Variants in DLGAP1 observed in about 807,000 individuals in gnomAD.
The protein encoded by DLGAP1 is DLG associated protein 1.
DLGAP1 carries 11 observed loss-of-function variants against 90.8 expected under a neutral mutation model. That is an observed-to-expected ratio of 0.12 (90% CI 0.08 to 0.20). The LOEUF (loss-of-function observed/expected upper bound fraction) is 0.20, where lower values mean the gene tolerates loss of function less well. Among genes scored for constraint, DLGAP1 ranks in the 10% least tolerant of loss-of-function variants. The pLI, the probability that DLGAP1 is intolerant of heterozygous loss-of-function variation, is 1.00. For missense variants in DLGAP1, 1,050 were observed against 1,333.8 expected (o/e 0.79, Z 3.31); for synonymous variants, 558 against 540.7 (o/e 1.03, Z -0.44).
rs142909007 is a variant in DLGAP1, at chr18:3,937,215, T to C, written c.-72-57075A>G. 7.2e-4 allele frequency among the ~76,000 whole-genome samples: 110 copies of C among 152,274 alleles called. 1 individual carries two copies. The East Asian group carries it at 9.3e-3, about 13-fold the overall frequency. On this transcript the variant is annotated intron_variant, in intron 3 of 12. Transcript: ENST00000315677. ...GCATAACATGATAACAAACGTGTAT[T>C]AGTCTGTTCTCAGGCTGCTAATAAA...
chr18:4,418,101 C>T (rs1225714494), intron 1 of DLGAP1, among the ~76,000 whole-genome samples: 2 of 152,112 alleles, frequency 1.3e-5, no homozygotes, highest in African/African-American at 4.8e-5. Context: ...GAATTTGAAA[C>T]CTATGGTATA....
chr18:4,075,215 A>G (rs941249247), intron 2 of DLGAP1, among the ~76,000 whole-genome samples: 1 of 152,168 alleles, frequency 6.6e-6, no homozygotes, highest in African/African-American at 2.4e-5. Flanking sequence ...CCAGATATGC[A>G]TTCTTATTTC....
At chr18:3,706,674 G>A (rs7235690) in intron 7 of DLGAP1, among the ~76,000 whole-genome samples, 2,288 of 152,290 alleles carry the variant, frequency 0.015, 67 homozygotes, top group African/African-American at 0.052. Context: ...AGTGACGTCA[G>A]TGATGTGTTG....
chr18:3,780,064 A>T (rs771190582), intron 5 of DLGAP1, among the ~76,000 whole-genome samples: 1 of 152,202 alleles, frequency 6.6e-6, no homozygotes, highest in East Asian at 1.9e-4. Flanking sequence ...CTGGGATTAC[A>T]GGCATGAGCC....
chr18:3,647,473 T>G (rs2059161140), intron 7 of DLGAP1, among the ~76,000 whole-genome samples: 1 of 150,160 alleles, frequency 6.7e-6, no homozygotes, highest in Non-Finnish European at 1.5e-5. Context: ...TAAGCTCCTT[T>G]TTTTTTTTTT....
intron 2 of DLGAP1, among the ~76,000 whole-genome samples, chr18:4,069,251 A>T (rs1053077033): frequency 1.3e-5 from 2 of 152,204 alleles, no homozygotes; most frequent in African/African-American, 2.4e-5. Flanking sequence ...GTCAGTACTT[A>T]ATAAGTATTT....
At chr18:4,115,804 T>C (rs1047877834) in intron 2 of DLGAP1, among the ~76,000 whole-genome samples, 2 of 152,204 alleles carry the variant, frequency 1.3e-5, no homozygotes, top group African/African-American at 4.8e-5. Flanking sequence ...GTTTTGCTCC[T>C]ACCAACCTTC....
chr18:3,832,417 A>C (rs2068079627), intron 4 of DLGAP1, among the ~76,000 whole-genome samples: 1 of 152,206 alleles, frequency 6.6e-6, no homozygotes, highest in African/African-American at 2.4e-5. Flanking sequence ...GCTTCCTCCT[A>C]GTAACGATGC....
chr18:3,963,926 A>G (rs1039200305), intron 3 of DLGAP1, among the ~76,000 whole-genome samples: 6 of 152,214 alleles, frequency 3.9e-5, no homozygotes, highest in African/African-American at 1.4e-4. Flanking sequence ...TTGAAATTTT[A>G]ATATTTTGGA....
chr18:3,778,162 T>C (rs3786442), intron 5 of DLGAP1, among the ~76,000 whole-genome samples: 81,258 of 152,052 alleles, frequency 0.53, 22,546 homozygotes, highest in African/African-American at 0.69. Context: ...AGGTCAAGGC[T>C]GGGCACGATG....
intron 7 of DLGAP1, among the ~76,000 whole-genome samples, chr18:3,705,534 C>A (rs1489262967): frequency 6.6e-6 from 1 of 151,728 alleles, no homozygotes; most frequent in Admixed American, 6.6e-5. Context: ...AACCATCAGA[C>A]CCCAAGGAGC....
chr18:3,752,089 G>C (rs1365000698), intron 5 of DLGAP1, among the ~76,000 whole-genome samples: 1 of 150,980 alleles, frequency 6.6e-6, no homozygotes, highest in African/African-American at 2.4e-5. Context: ...TCATCATGTT[G>C]GCCAGGCTGG....
intron 2 of DLGAP1, among the ~76,000 whole-genome samples, chr18:4,021,151 C>T (rs1359925360): frequency 6.6e-6 from 1 of 152,186 alleles, no homozygotes; most frequent in Non-Finnish European, 1.5e-5. Flanking sequence ...AATAATAAAA[C>T]TCTAGTCTCC....
chr18:4,081,243 C>T (rs62083762), intron 2 of DLGAP1, among the ~76,000 whole-genome samples: 10 of 144,674 alleles, frequency 6.9e-5, no homozygotes, highest in Admixed American at 3.4e-4. Context: ...TGAACCCAGG[C>T]GGCGGAGGTT....
rs79558652 is a variant in DLGAP1 at position 3,517,354 on chromosome 18, A to G, written c.2480-8693T>C. 7.1e-3 allele frequency among the ~76,000 whole-genome samples: 1,085 copies of G among 152,296 alleles called. 18 individuals are homozygous for G. The highest frequency in any genetic ancestry group is 0.025 in the African/African-American group (1,033 of 41,568). ...TTTAGTGTAATCATCTTCATCAATGATCTTAGCTAGATCTTCTGGATAACT... is the reference window on the plus strand; with the variant it reads ...TTTAGTGTAATCATCTTCATCAATGGTCTTAGCTAGATCTTCTGGATAACT... On this transcript the variant is annotated intron_variant, in intron 10 of 12. Coordinates refer to ENST00000315677, the MANE Select transcript of DLGAP1 (RefSeq NM_004746.4). The surrounding 1 kb of genome is among the most constrained non-coding windows in gnomAD (Gnocchi z 4.1).
At chr18:3,556,514 G>T (rs2053759918) in intron 9 of DLGAP1, among the ~76,000 whole-genome samples, 1 of 152,100 alleles carries the variant, frequency 6.6e-6, no homozygotes, top group Admixed American at 6.5e-5. Flanking sequence ...ACAGTATATA[G>T]ATTTTTCAGA....
At chr18:3,861,338 G>A (rs2070040353) in intron 4 of DLGAP1, among the ~76,000 whole-genome samples, 1 of 152,074 alleles carries the variant, frequency 6.6e-6, no homozygotes, top group Non-Finnish European at 1.5e-5. Context: ...TCATCATAAG[G>A]AAGAAGGAAA....
intron 1 of DLGAP1, among the ~76,000 whole-genome samples, chr18:4,171,583 AAAAG>A (rs979047573): frequency 2.6e-5 from 4 of 151,822 alleles, no homozygotes; most frequent in Non-Finnish European, 5.9e-5. Context: ...AAAAAGAAAA[AAAAG>A]AAAGTATCTT....
chr18:4,182,515 C>A (rs112274774), intron 1 of DLGAP1, among the ~76,000 whole-genome samples: 110 of 152,184 alleles, frequency 7.2e-4, no homozygotes, highest in Non-Finnish European at 1.3e-3. Flanking sequence ...TGTCTTGTCA[C>A]TTCTCTAAGC....
Sources: allele counts gnomAD v4.1 joint callset (sites outside exome capture counted in the v4.1 genomes callset), GRCh38; gene constraint gnomAD v4.1.1; non-coding constraint Gnocchi (gnomAD v3.1); transcripts MANE v1.5; gene names NCBI Gene and HGNC (gene_info 2026-07-23, HGNC 2026-07-21).